Variants in SNTB1 observed in about 807,000 individuals in gnomAD.
SNTB1 encodes the protein beta-1-syntrophin.
Under a neutral mutation model 48.9 loss-of-function variants are expected in SNTB1, and 36 were observed. The observed-to-expected ratio is 0.74, with a 90% CI of 0.56 to 0.97. The LOEUF is 0.97. SNTB1 is among the 50% of genes least tolerant of loss of function. The probability of loss-of-function intolerance (pLI) is 0.00; values close to 1 mark genes in which losing one functional copy is unlikely to be tolerated. For synonymous variants in SNTB1, 299 were observed against 294.6 expected (o/e 1.01, Z -0.15); for missense variants, 786 against 703.4 (o/e 1.12, Z -1.33).
rs142333090 is a variant in SNTB1 at position 120,719,599 on chromosome 8, C to A, written c.572-25691G>T. ...ATCCATCATTGCTCCATGTAATTCT[C>A]CCCCAAAGCTATGACGTTCAGCTGA... is the stretch of plus-strand genomic sequence containing the variant. On this transcript the variant is annotated intron_variant, in intron 1 of 6. Transcript: ENST00000517992. 9.8e-3 allele frequency among the ~76,000 whole-genome samples: 1,490 copies of A among 152,260 alleles called. 24 individuals are homozygous for A. The highest frequency in any genetic ancestry group is 0.035 in the African/African-American group (1,442 of 41,532).
intron 1 of SNTB1, among the ~76,000 whole-genome samples, chr8:120,747,677 G>A (rs1461103578): frequency 6.6e-6 from 1 of 152,174 alleles, no homozygotes; most frequent in East Asian, 1.9e-4. Context: ...CTTTCAGAGG[G>A]TGGAGAGTGG....
intron 1 of SNTB1, among the ~76,000 whole-genome samples, chr8:120,738,804 G>T (rs898681273): frequency 1.3e-5 from 2 of 152,088 alleles, no homozygotes; most frequent in East Asian, 3.8e-4. Context: ...GGTTTCTGGG[G>T]ATTTTTCTTT....
intron 1 of SNTB1, among the ~76,000 whole-genome samples, chr8:120,759,893 A>T (rs114081052): frequency 0.023 from 3,495 of 152,250 alleles, 134 homozygotes; most frequent in African/African-American, 0.08. Flanking sequence ...TTTGATTTTC[A>T]ACTCAAGCAC....
At chr8:120,773,013 A>C (rs1220865518) in intron 1 of SNTB1, among the ~76,000 whole-genome samples, 1 of 152,172 alleles carries the variant, frequency 6.6e-6, no homozygotes, top group East Asian at 1.9e-4. Flanking sequence ...TTTACATGTC[A>C]ACTATGTAGC....
chr8:120,618,867 T>C (rs941460682), intron 3 of SNTB1, among the ~76,000 whole-genome samples: 10 of 152,182 alleles, frequency 6.6e-5, no homozygotes, highest in Admixed American at 2.6e-4. Context: ...GTTTCCACAT[T>C]TCTGAGGCCC....
intron 3 of SNTB1, among the ~76,000 whole-genome samples, chr8:120,583,800 T>G (rs1193713252): frequency 6.6e-6 from 1 of 152,026 alleles, no homozygotes; most frequent in African/African-American, 2.4e-5. Context: ...AATAGAAAAC[T>G]ATAAACCAGT....
At chr8:120,776,827 C>T (rs965337904) in intron 1 of SNTB1, 9 of 152,164 alleles carry the variant, frequency 5.9e-5, no homozygotes, top group Admixed American at 3.3e-4. Flanking sequence ...AAACAATCTA[C>T]ATGTCCTTGG....
At chr8:120,798,248 G>A (rs182923611) in intron 1 of SNTB1, among the ~76,000 whole-genome samples, 1 of 151,884 alleles carries the variant, frequency 6.6e-6, no homozygotes, top group Admixed American at 6.6e-5. Flanking sequence ...GGACCTCTTG[G>A]GGAAGGATCC....
chr8:120,706,203 T>C (rs893854167), intron 1 of SNTB1, among the ~76,000 whole-genome samples: 16 of 152,226 alleles, frequency 1.1e-4, no homozygotes, highest in African/African-American at 3.9e-4. Flanking sequence ...ATTGCAAGGA[T>C]GTCTCTTTTC....
At chr8:120,584,693 C>A (rs1816109270) in intron 3 of SNTB1, among the ~76,000 whole-genome samples, 1 of 151,950 alleles carries the variant, frequency 6.6e-6, no homozygotes, top group Non-Finnish European at 1.5e-5. Context: ...AAGTCCTGAC[C>A]CCAGTACCTC....
At chr8:120,738,467 T>C (rs1818985172) in intron 1 of SNTB1, among the ~76,000 whole-genome samples, 1 of 152,094 alleles carries the variant, frequency 6.6e-6, no homozygotes, top group South Asian at 2.1e-4. Context: ...ATTATTATCT[T>C]CATGTTTTAG....
At position 120,693,805 on chromosome 8, in the gene SNTB1, G is replaced by T. The variant is rs763561800; in HGVS notation, c.675C>A (p.Ser225Arg). ...ACTGCGATGACGGGGGGTCTGAGGT[G>T]CTGCCCCCTAACCGAGGGGATTCAG... Reference protein sequence around the residue: ...PPPESPRLGGSTSDPPSSQSF... With the variant: ...PPPESPRLGGRTSDPPSSQSF... Residue 225 changes from serine (S) to arginine (R), a missense_variant, in exon 2 of 7, where the codon AGC becomes AGA. By Grantham distance (110) the Ser-to-Arg change is moderately radical. Coordinates refer to ENST00000517992, the MANE Select transcript of SNTB1 (RefSeq NM_021021.4). The T allele has an allele frequency of 6.2e-6, 10 of 1,614,064 alleles. No individual in the cohort carries two copies. The Admixed American group carries it at 1.5e-4, about 24-fold the overall frequency.
intron 2 of SNTB1, among the ~76,000 whole-genome samples, chr8:120,639,646 C>T (rs1817152457): frequency 6.6e-6 from 1 of 152,140 alleles, no homozygotes; most frequent in Non-Finnish European, 1.5e-5. Context: ...ATCCTTTCCC[C>T]ATTTCTTGTT....
intron 2 of SNTB1, among the ~76,000 whole-genome samples, chr8:120,656,693 G>T (rs1038459418): frequency 6.6e-6 from 1 of 152,096 alleles, no homozygotes; most frequent in African/African-American, 2.4e-5. Flanking sequence ...AGAGTCTGAG[G>T]GCCTATTTTT....
chr8:120,767,250 A>G (rs1819542399), intron 1 of SNTB1, among the ~76,000 whole-genome samples: 2 of 152,100 alleles, frequency 1.3e-5, no homozygotes, highest in African/African-American at 2.4e-5. Context: ...ATCAGCGCTT[A>G]TGTTGACCCT....
chr8:120,596,342 G>C (rs1816325319), intron 3 of SNTB1, among the ~76,000 whole-genome samples: 1 of 152,150 alleles, frequency 6.6e-6, no homozygotes, highest in African/African-American at 2.4e-5. Flanking sequence ...ATATCTATAT[G>C]TCTGTTATTT....
intron 1 of SNTB1, among the ~76,000 whole-genome samples, chr8:120,807,831 C>A (rs1197323736): frequency 6.6e-6 from 1 of 152,148 alleles, no homozygotes; most frequent in African/African-American, 2.4e-5. Context: ...ATCAGTATTG[C>A]CTAGAGGTTA....
At chr8:120,768,270 C>G (rs1819560738) in intron 1 of SNTB1, among the ~76,000 whole-genome samples, 1 of 152,178 alleles carries the variant, frequency 6.6e-6, no homozygotes, top group Middle Eastern at 3.2e-3. Flanking sequence ...CGAATCAACA[C>G]CAGCACTAGA....
chr8:120,712,472 A>G (rs1381353611), intron 1 of SNTB1, among the ~76,000 whole-genome samples: 1 of 151,984 alleles, frequency 6.6e-6, no homozygotes, highest in East Asian at 1.9e-4. Context: ...TGAATGAGGT[A>G]CACACCATCC....
Sources: allele counts gnomAD v4.1 joint callset (sites outside exome capture counted in the v4.1 genomes callset), GRCh38; gene constraint gnomAD v4.1.1; transcripts MANE v1.5; gene names NCBI Gene and HGNC (gene_info 2026-07-23, HGNC 2026-07-21).